The following ADAMTS2 variants were observed in gnomAD, a reference collection of about 807,000 sequenced individuals.
ADAMTS2 encodes A disintegrin and metalloproteinase with thrombospondin motifs 2.
ADAMTS2 carries 50 observed loss-of-function variants against 123.0 expected under a neutral mutation model. The observed-to-expected ratio is 0.41, with a 90% CI of 0.32 to 0.51. The LOEUF (loss-of-function observed/expected upper bound fraction) is 0.51, where lower values mean the gene tolerates loss of function less well. Among genes scored for constraint, ADAMTS2 ranks in the 20% least tolerant of loss-of-function variants. The pLI is 0.35. For missense variants in ADAMTS2, 1,494 were observed against 1,705.2 expected, an observed-to-expected ratio of 0.88 and a Z score of 2.18; for synonymous variants, 678 against 695.4, an observed-to-expected ratio of 0.98 and a Z score of 0.39.
At chr5:179,268,476 A>C (rs896725871) in intron 3 of ADAMTS2, among the ~76,000 whole-genome samples, 1 of 152,222 alleles carries the variant, frequency 6.6e-6, no homozygotes, top group Non-Finnish European at 1.5e-5. Context: ...CAGAGACCAC[A>C]TGCTCAACAC....
At chr5:179,141,826 T>G (rs1338913180) in intron 10 of ADAMTS2, among the ~76,000 whole-genome samples, 3 of 151,940 alleles carry the variant, frequency 2.0e-5, no homozygotes, top group Admixed American at 2.0e-4. Flanking sequence ...GGGGCCCCCT[T>G]CCCCCACCCA....
intron 15 of ADAMTS2, among the ~76,000 whole-genome samples, chr5:179,131,924 G>A (rs930376549): frequency 2.2e-4 from 33 of 152,178 alleles, no homozygotes; most frequent in African/African-American, 7.5e-4. Context: ...TTCCCGCCCC[G>A]ACTGTGAGAA....
intron 3 of ADAMTS2, among the ~76,000 whole-genome samples, chr5:179,246,388 G>T (rs183240711): frequency 2.1e-4 from 32 of 152,306 alleles, no homozygotes; most frequent in Non-Finnish European, 4.0e-4. Flanking sequence ...GTATTTAAAG[G>T]TAAATGTATT....
rs1002858166 is a variant in ADAMTS2, at chr5:179,170,221, A to G, written c.975+10851T>C. Among the ~76,000 whole-genome samples the G allele has an allele frequency of 6.6e-6, 1 of 152,160 alleles. No individual in the cohort carries two copies. Among genetic ancestry groups the G allele is most frequent in the Non-Finnish European group, 1.5e-5 (1 of 68,038 alleles). On this transcript the variant is annotated intron_variant, in intron 5 of 21. Transcript: ENST00000251582. The surrounding 1 kb of genome is among the most constrained non-coding windows in gnomAD (Gnocchi z 4.3). ...CATGTCACTCAAACAAGTGCTACCA[A>G]TTTTATCCCCACTGGAGCCTGGTGA...
intron 5 of ADAMTS2, among the ~76,000 whole-genome samples, chr5:179,161,753 T>C (rs1763596559): frequency 1.3e-5 from 2 of 151,880 alleles, no homozygotes; most frequent in African/African-American, 4.9e-5. Context: ...CCTGATGTAA[T>C]CATTACACAT....
intron 3 of ADAMTS2, among the ~76,000 whole-genome samples, chr5:179,210,041 T>C (rs1313959528): frequency 1.3e-5 from 2 of 152,192 alleles, no homozygotes; most frequent in African/African-American, 2.4e-5. Flanking sequence ...ATTTGAAAAC[T>C]GGGAGATTTC....
intron 9 of ADAMTS2, 74 bp from the exon 10 acceptor site, chr5:179,152,329 G>T: frequency 7.0e-7 from 1 of 1,433,344 alleles, no homozygotes. Context: ...CCACCCCCGG[G>T]TTCTGGAACC....
chr5:179,205,430 G>A (rs182068372), intron 4 of ADAMTS2, among the ~76,000 whole-genome samples: 14 of 152,320 alleles, frequency 9.2e-5, no homozygotes, highest in African/African-American at 3.1e-4. Context: ...CAACCCCCAC[G>A]ATGAAAACAC....
chr5:179,181,172 G>C lies in ADAMTS2; in HGVS notation c.892-17C>G. ...TTCATTGACCTGAAAGAAACAGGGA[G>C]GCATCAGCGGGAACCACAGGCCCTA... On this transcript the variant is annotated splice_polypyrimidine_tract_variant and intron_variant, in intron 4 of 21. Transcript: ENST00000251582. The surrounding 1 kb of genome is among the most constrained non-coding windows in gnomAD (Gnocchi z 4.1). The C allele has an allele frequency of 6.3e-7, 1 of 1,595,984 alleles. No individual in the cohort carries two copies. Among genetic ancestry groups the C allele is most frequent in the Non-Finnish European group, 8.6e-7 (1 of 1,163,770 alleles).
intron 2 of ADAMTS2, among the ~76,000 whole-genome samples, chr5:179,301,252 C>G (rs1036496351): frequency 6.6e-6 from 1 of 152,210 alleles, no homozygotes; most frequent in African/African-American, 2.4e-5. Context: ...TTGAGCCCAG[C>G]CGAAACTTGA....
chr5:179,290,243 T>TC (rs2113542347), intron 2 of ADAMTS2, among the ~76,000 whole-genome samples: 1 of 152,200 alleles, frequency 6.6e-6, no homozygotes, highest in Admixed American at 6.5e-5. Context: ...CTTGATTAGT[T>TC]CCCGAGCCTG....
At chr5:179,195,882 C>A (rs1275892131) in intron 4 of ADAMTS2, among the ~76,000 whole-genome samples, 1 of 152,232 alleles carries the variant, frequency 6.6e-6, no homozygotes, top group Non-Finnish European at 1.5e-5. Flanking sequence ...TTGCCTCCCC[C>A]CACTTAAGGG....
At chr5:179,220,174 T>G (rs1302267177) in intron 3 of ADAMTS2, among the ~76,000 whole-genome samples, 3 of 152,290 alleles carry the variant, frequency 2.0e-5, no homozygotes, top group African/African-American at 7.2e-5. Context: ...CCGGCAGGTC[T>G]TTTATTGAAA....
rs1004059985 is a variant in ADAMTS2, at chr5:179,328,481, G to A, written c.534+15286C>T. 1.2e-4 allele frequency among the ~76,000 whole-genome samples: 18 copies of A among 152,264 alleles called. 1 individual carries two copies. Among genetic ancestry groups the A allele is most frequent in the South Asian group, 2.1e-4 (1 of 4,832 alleles). ...AGCAGGGGCTGTTGCCAGGAAGGGCGCGCCTTGAGGACAGCAATGCTGGGG... is the reference window on the plus strand; with the variant it reads ...AGCAGGGGCTGTTGCCAGGAAGGGCACGCCTTGAGGACAGCAATGCTGGGG... On this transcript the variant is annotated intron_variant, in intron 2 of 21. Transcript: ENST00000251582.
chr5:179,239,841 T>C (rs560735024), intron 3 of ADAMTS2, among the ~76,000 whole-genome samples: 2 of 152,166 alleles, frequency 1.3e-5, no homozygotes, highest in East Asian at 3.9e-4. Context: ...ACCAAGAAAG[T>C]GGGTGTCCGG....
chr5:179,263,056 T>C (rs1206093545), intron 3 of ADAMTS2, among the ~76,000 whole-genome samples: 1 of 148,402 alleles, frequency 6.7e-6, no homozygotes, highest in African/African-American at 2.5e-5. Context: ...CCCCCATGAT[T>C]TGGGGAGCAG....
In ADAMTS2 at chr5:179,158,040, T is replaced by C. The variant is rs1490665545; in HGVS notation, c.1132+683A>G. Among the ~76,000 whole-genome samples, 1 of 151,862 alleles carries C rather than the reference T, an allele frequency of 6.6e-6. No individual in the cohort carries two copies. Among genetic ancestry groups the C allele is most frequent in the Non-Finnish European group, 1.5e-5 (1 of 67,946 alleles). On this transcript the variant is annotated intron_variant, in intron 6 of 21. Transcript: ENST00000251582. This position sits in a 1 kb window ranked among gnomAD's most constrained non-coding sequence, Gnocchi z 5.0. ...AGCAAAGTGGTGCGATCTCGACTCA[T>C]TGCAAACTCCGCCTCCCGGGTTCAC...
chr5:179,321,272 G>A (rs752750243), intron 2 of ADAMTS2, among the ~76,000 whole-genome samples: 56 of 152,048 alleles, frequency 3.7e-4, no homozygotes, highest in African/African-American at 1.2e-3. Context: ...AAGCGCACAC[G>A]TAAACACTGC....
Position 179,308,067 on chromosome 5 carries a change from A to G in ADAMTS2, c.535-35003T>C, listed in dbSNP as rs338879. On this transcript the variant is annotated intron_variant, in intron 2 of 21. Coordinates refer to ENST00000251582, the MANE Select transcript of ADAMTS2 (RefSeq NM_014244.5). The surrounding 1 kb of genome is among the most constrained non-coding windows in gnomAD (Gnocchi z 6.6). ...TCCCGAGGCTCCCTTCCCCTACTTC[A>G]GGATGGTGTAAGGTTTCCTTGCCAA... is the stretch of plus-strand genomic sequence containing the variant. Among the ~76,000 whole-genome samples, 33,679 of 152,050 alleles carry G rather than the reference A, an allele frequency of 0.22. 4,602 individuals are homozygous for G. The highest frequency in any genetic ancestry group is 0.32 in the South Asian group (1,515 of 4,808).
Sources: gnomAD v4.1 joint callset for allele counts (sites outside exome capture counted in the v4.1 genomes callset) on GRCh38, gnomAD v4.1.1 for gene constraint, Gnocchi (gnomAD v3.1) non-coding constraint, MANE v1.5 for transcripts, NCBI Gene and HGNC (gene_info 2026-07-23, HGNC 2026-07-21) for gene names.